The following UQCC5 variants were observed in gnomAD, a reference collection of about 807,000 sequenced individuals.
UQCC5 encodes ubiquinol-cytochrome c reductase complex assembly factor 5.
At chr3:52,536,797 G>C in the UQCC5 span, 1 of 1,551,684 alleles carries the variant, frequency 6.4e-7, no homozygotes, top group Non-Finnish European at 8.7e-7. Context: ...TGCAGCGGGT[G>C]CCCGGGAAGC....
chr3:52,538,326 G>A, the UQCC5 span, among the ~76,000 whole-genome samples: 1 of 152,210 alleles, frequency 6.6e-6, no homozygotes, highest in Non-Finnish European at 1.5e-5. Context: ...GCCATCCTGG[G>A]CACCATCTGG....
At chr3:52,539,823 G>A in the UQCC5 span, among the ~76,000 whole-genome samples, 1 of 152,104 alleles carries the variant, frequency 6.6e-6, no homozygotes, top group Non-Finnish European at 1.5e-5. Flanking sequence ...ATTTTTAGTA[G>A]TGACGGGGTT....
At chr3:52,536,797 G>T in the UQCC5 span, 8 of 1,551,802 alleles carry the variant, frequency 5.2e-6, no homozygotes, top group Non-Finnish European at 7.0e-6. Context: ...TGCAGCGGGT[G>T]CCCGGGAAGC....
At chr3:52,537,078 G>A in the UQCC5 span, among the ~76,000 whole-genome samples, 1 of 152,160 alleles carries the variant, frequency 6.6e-6, no homozygotes, top group African/African-American at 2.4e-5. Context: ...CCTGTAGGCC[G>A]GGCACATTGG....
chr3:52,540,406 A>G, the UQCC5 span: 3 of 1,511,530 alleles, frequency 2.0e-6, no homozygotes, highest in Non-Finnish European at 2.6e-6. Context: ...CATCTGAGCA[A>G]CTTTTTGTTT....
the UQCC5 span, chr3:52,540,792 C>T: frequency 0.02 from 4,797 of 240,624 alleles, 233 homozygotes; most frequent in African/African-American, 0.1. Context: ...CAGTGAAGCC[C>T]GAATTGTTTT....
the UQCC5 span, chr3:52,540,717 T>TA: frequency 7.3e-6 from 3 of 408,818 alleles, no homozygotes; most frequent in Non-Finnish European, 8.6e-6. Flanking sequence ...CCTAAAACAC[T>TA]CACTCGATGA....
At chr3:52,541,506 T>G in the UQCC5 span, 4 of 152,216 alleles carry the variant, frequency 2.6e-5, no homozygotes, top group African/African-American at 9.6e-5. Flanking sequence ...TTAGAACCAA[T>G]TCAGTAAAGA....
At chr3:52,537,403 T>C in the UQCC5 span, among the ~76,000 whole-genome samples, 2 of 152,204 alleles carry the variant, frequency 1.3e-5, no homozygotes, top group Non-Finnish European at 2.9e-5. Context: ...ACTGTAAAGA[T>C]AGTGGTAACG....
chr3:52,536,741 C>A, the UQCC5 span: 2 of 1,551,750 alleles, frequency 1.3e-6, no homozygotes, highest in Non-Finnish European at 1.7e-6. Flanking sequence ...TCCCTCTCCA[C>A]GACCTCGGTC....
the UQCC5 span, chr3:52,541,035 T>C: frequency 6.6e-6 from 1 of 152,362 alleles, no homozygotes; most frequent in Non-Finnish European, 1.5e-5. Context: ...TGCTCCTCCC[T>C]TGCTTGGCTC....
the UQCC5 span, chr3:52,540,338 G>GACTC: frequency 1.0e-6 from 1 of 990,858 alleles, no homozygotes; most frequent in Non-Finnish European, 1.5e-6. Flanking sequence ...GTAGGTGACA[G>GACTC]ACCTAGACTA....
the UQCC5 span, among the ~76,000 whole-genome samples, chr3:52,539,076 T>C: frequency 6.6e-6 from 1 of 151,930 alleles, no homozygotes; most frequent in Admixed American, 6.6e-5. Context: ...AATGGCCATT[T>C]GGGGGTGGGT....
chr3:52,537,046 GCAGT>G, the UQCC5 span: 1 of 1,197,684 alleles, frequency 8.3e-7, no homozygotes, highest in Non-Finnish European at 1.2e-6. Context: ...CATTCGCTTG[GCAGT>G]CAGGGCGGCC....
chr3:52,540,646 G>A, the UQCC5 span: 42 of 567,816 alleles, frequency 7.4e-5, no homozygotes, highest in Non-Finnish European at 1.1e-4. Context: ...TTATAGTTCT[G>A]TCTCTGCTTG....
chr3:52,536,726 T>A, the UQCC5 span: 12 of 1,551,360 alleles, frequency 7.7e-6, no homozygotes, highest in Non-Finnish European at 9.6e-6. Context: ...CTTAGTTCCG[T>A]CATATCCCTC....
the UQCC5 span, among the ~76,000 whole-genome samples, chr3:52,537,158 G>C: frequency 2.0e-5 from 3 of 152,156 alleles, no homozygotes; most frequent in Admixed American, 6.5e-5. Context: ...TCTCATGCCT[G>C]CCCTTCACCC....
chr3:52,540,658 G>A, the UQCC5 span: 1 of 540,516 alleles, frequency 1.9e-6, no homozygotes, highest in Non-Finnish European at 3.2e-6. Flanking sequence ...CTCTGCTTGA[G>A]TACTTCCCAA....
At chr3:52,540,488 CTG>C in the UQCC5 span, 7 of 1,523,848 alleles carry the variant, frequency 4.6e-6, no homozygotes, top group Non-Finnish European at 6.1e-6. Flanking sequence ...ATGAATGAGA[CTG>C]AACTTCAGCA....
Sources: allele counts gnomAD v4.1 joint callset (sites outside exome capture counted in the v4.1 genomes callset), GRCh38; gene constraint gnomAD v4.1.1; transcripts MANE v1.5; gene names NCBI Gene and HGNC (gene_info 2026-07-23, HGNC 2026-07-21).